FMNL2: variants seen among roughly 807,000 people sequenced by gnomAD.
FMNL2 encodes the protein formin like 2.
In FMNL2, 51 loss-of-function variants were observed where a neutral mutation model predicts 130.2. The ratio of observed to expected loss-of-function variants is 0.39; its 90% confidence interval spans 0.31 to 0.49. FMNL2 has a LOEUF of 0.49. FMNL2 is among the 20% of genes least tolerant of loss of function. FMNL2 has a pLI of 0.85. For synonymous variants in FMNL2, 465 were observed against 467.1 expected (o/e 1.00, Z 0.06); for missense variants, 977 against 1,316.2 (o/e 0.74, Z 3.99).
chr2:152,504,972 T>C (rs1216812962), intron 1 of FMNL2, among the ~76,000 whole-genome samples: 1 of 152,242 alleles, frequency 6.6e-6, no homozygotes, highest in African/African-American at 2.4e-5. Flanking sequence ...TAATTTTGTC[T>C]TGAAATGCCA....
rs58237890 is a variant in FMNL2 at position 152,607,006 on chromosome 2, G to GTTT, written c.877-317_877-315dup. Among the ~76,000 whole-genome samples, 245 of 84,870 alleles carry GTTT rather than the reference G, an allele frequency of 2.9e-3. 2 individuals are homozygous for GTTT. The highest frequency in any genetic ancestry group is 9.4e-3 in the African/African-American group (222 of 23,684). 55.7% of individuals were successfully genotyped at this position (84,870 alleles called of 152,430 possible). A position where few individuals can be genotyped will look rare whatever the true frequency, so the allele number is the denominator to read the frequency against. On this transcript the variant is annotated intron_variant, in intron 9 of 25. Transcript: ENST00000288670. The stretch of plus-strand genomic sequence containing the variant: ...GAAGCTATGGTCGTTTTTTTTTTTT[G>GTTT]TTTTTTTTTTTTTTTTTTACCATGA...
intron 1 of FMNL2, among the ~76,000 whole-genome samples, chr2:152,356,422 C>T (rs1470980878): frequency 1.3e-5 from 2 of 152,340 alleles, no homozygotes; most frequent in Middle Eastern, 3.4e-3. Context: ...CCACACCCAG[C>T]CTGGCTAGAG....
At chr2:152,501,129 C>A (rs1306476813) in intron 1 of FMNL2, among the ~76,000 whole-genome samples, 4 of 152,294 alleles carry the variant, frequency 2.6e-5, no homozygotes, top group African/African-American at 9.6e-5. Context: ...AAAAACAATT[C>A]TTTGTGCCCT....
intron 11 of FMNL2, among the ~76,000 whole-genome samples, chr2:152,612,256 C>T (rs555956712): frequency 6.6e-6 from 1 of 152,194 alleles, no homozygotes; most frequent in Non-Finnish European, 1.5e-5. Context: ...GCTGATGGCT[C>T]ACACCTGTAA....
chr2:152,418,129 A>G (rs1343162082), intron 1 of FMNL2, among the ~76,000 whole-genome samples: 1 of 152,192 alleles, frequency 6.6e-6, no homozygotes, highest in African/African-American at 2.4e-5. Context: ...TACAGGCATA[A>G]GCCACTGCAC....
At chr2:152,468,577 AT>A (rs1489769330) in intron 1 of FMNL2, among the ~76,000 whole-genome samples, 2 of 152,120 alleles carry the variant, frequency 1.3e-5, no homozygotes, top group Non-Finnish European at 2.9e-5. Context: ...CTTATTTTGC[AT>A]TTTTTCCCCT....
In FMNL2 at chr2:152,619,552, G is replaced by GCCACCCCCCCCCCCCCCCCCCCCCCCCCC. The variant is rs5835439; in HGVS notation, c.1673_1674insACCCCCCCCCCCCCCCCCCCCCCCCCCCC (p.Pro569LeufsTer29). 62 of 1,417,678 alleles carry GCCACCCCCCCCCCCCCCCCCCCCCCCCCC rather than the reference G, an allele frequency of 4.4e-5. No homozygotes were observed. Among genetic ancestry groups the GCCACCCCCCCCCCCCCCCCCCCCCCCCCC allele is most frequent in the South Asian group, 2.5e-4 (20 of 78,990 alleles). The allele number at this position is 1,417,678 out of a possible 1,614,324, so 87.8% of individuals were successfully genotyped here. On this transcript the variant is annotated frameshift_variant, in exon 15 of 26. Coordinates refer to ENST00000288670, the MANE Select transcript of FMNL2 (RefSeq NM_052905.4). LOFTEE classifies it high-confidence loss of function. ...CACCACCTATGCCACCGCCGCCGCC[G>GCCACCCCCCCCCCCCCCCCCCCCCCCCCC]CCCCCTCCTCCACCTCCTCCTCCCC...
chr2:152,482,116 A>G (rs528475043), intron 1 of FMNL2, among the ~76,000 whole-genome samples: 23 of 152,328 alleles, frequency 1.5e-4, no homozygotes, highest in African/African-American at 5.5e-4. Context: ...CCAGATGACT[A>G]TGTAAATAGT....
Position 152,628,389 on chromosome 2 carries a change from C to T in FMNL2, c.2256C>T (p.Tyr752=), listed in dbSNP as rs200459731. The change falls in exon 18 of 26, where the codon TAC becomes TAT. Residue 752 remains tyrosine, a synonymous_variant. Transcript: ENST00000288670. Reference sequence around the variant, plus strand: ...ATGAAGTGAAAGTGCTTCGGCTCTACGAGCGGGAAAGGAAGCCTCTGGAAA... The same window carrying T: ...ATGAAGTGAAAGTGCTTCGGCTCTATGAGCGGGAAAGGAAGCCTCTGGAAA... The part of the protein sequence containing the change: ...TENEVKVLRL[Y]ERERKPLENL... 3.5e-5 allele frequency: 56 copies of T among 1,613,988 alleles called. No individual in the cohort carries two copies. The highest frequency in any genetic ancestry group is 1.3e-4 in the Admixed American group (8 of 60,024).
chr2:152,580,004 G>A (rs1696692861), intron 8 of FMNL2, among the ~76,000 whole-genome samples: 1 of 152,188 alleles, frequency 6.6e-6, no homozygotes, highest in Non-Finnish European at 1.5e-5. Flanking sequence ...GAACTATCAA[G>A]TCCTCTTTAC....
intron 2 of FMNL2, among the ~76,000 whole-genome samples, chr2:152,538,591 A>G (rs573247828): frequency 6.6e-6 from 1 of 152,244 alleles, no homozygotes; most frequent in South Asian, 2.1e-4. Context: ...TATTTTTATG[A>G]GTTCTTAAAT....
In FMNL2 at chr2:152,568,218, G is replaced by GTTTTTTTTTTTTTTTTTTTT. The variant is rs1177965681; in HGVS notation, c.597-6903_597-6902insTTTTTTTTTTTTTTTTTTTT. Among the ~76,000 whole-genome samples the GTTTTTTTTTTTTTTTTTTTT allele has an allele frequency of 3.2e-3, 111 of 34,824 alleles. 3 individuals carry two copies. Among genetic ancestry groups the GTTTTTTTTTTTTTTTTTTTT allele is most frequent in the African/African-American group, 8.1e-3 (96 of 11,868 alleles). 22.8% of individuals were successfully genotyped at this position (34,824 alleles called of 152,430 possible). Reference sequence around the variant, plus strand: ...TGAGCAACGGCTTCCATTTTGGTGGGTTTTTTTTTTTTTTTGAGACGGAGT... The same window carrying GTTTTTTTTTTTTTTTTTTTT: ...TGAGCAACGGCTTCCATTTTGGTGGGTTTTTTTTTTTTTTTTTTTTTTTTTTTTTTTTTTTGAGACGGAGT... On this transcript the variant is annotated intron_variant, in intron 6 of 25. Coordinates refer to ENST00000288670, the MANE Select transcript of FMNL2 (RefSeq NM_052905.4).
chr2:152,623,838 G>A (rs970607134), intron 15 of FMNL2, among the ~76,000 whole-genome samples: 8 of 151,552 alleles, frequency 5.3e-5, no homozygotes, highest in Admixed American at 2.6e-4. Context: ...GCATATTCCC[G>A]CACAGTGAGA....
intron 6 of FMNL2, among the ~76,000 whole-genome samples, chr2:152,561,607 C>T (rs59598975): frequency 0.022 from 3,254 of 148,312 alleles, 120 homozygotes; most frequent in African/African-American, 0.076. Flanking sequence ...GAATCTCGCT[C>T]TTGTTATCCA....
chr2:152,562,240 A>AT lies in FMNL2; in HGVS notation c.596+1212dup, dbSNP rs531986440. On this transcript the variant is annotated intron_variant, in intron 6 of 25. Transcript: ENST00000288670. Reference sequence around the variant, plus strand: ...AAAATGTTGCTTATTCTTTCCTTTCATTTTTTTCTACACTACCCCCTTACT... The same window carrying AT: ...AAAATGTTGCTTATTCTTTCCTTTCATTTTTTTTCTACACTACCCCCTTACT... Among the ~76,000 whole-genome samples, 213 of 151,894 alleles carry AT rather than the reference A, an allele frequency of 1.4e-3. 1 individual carries two copies. Among genetic ancestry groups the AT allele is most frequent in the African/African-American group, 5.0e-3 (209 of 41,396 alleles).
chr2:152,361,386 G>C (rs1160889232), intron 1 of FMNL2, among the ~76,000 whole-genome samples: 2 of 152,052 alleles, frequency 1.3e-5, no homozygotes, highest in East Asian at 3.9e-4. Context: ...TCTAAATTGT[G>C]GCTTATTTCT....
intron 11 of FMNL2, among the ~76,000 whole-genome samples, chr2:152,613,111 C>T (rs138767484): frequency 1.9e-3 from 286 of 152,246 alleles, no homozygotes; most frequent in African/African-American, 6.5e-3. Context: ...CAGGGAGAGG[C>T]GTAATAGATT....
At chr2:152,646,145 T>G (rs1403480685) in intron 25 of FMNL2, among the ~76,000 whole-genome samples, 1 of 115,310 alleles carries the variant, frequency 8.7e-6, no homozygotes. Flanking sequence ...TGAAGCAAAA[T>G]CCCCATCTCT....
At chr2:152,354,928 A>G (rs1025228287) in intron 1 of FMNL2, among the ~76,000 whole-genome samples, 3 of 152,096 alleles carry the variant, frequency 2.0e-5, no homozygotes, top group Admixed American at 6.6e-5. Context: ...TAATTTTTGT[A>G]TTTTAGTAAT....
Sources: gnomAD v4.1 joint callset for allele counts (sites outside exome capture counted in the v4.1 genomes callset) on GRCh38, gnomAD v4.1.1 for gene constraint, MANE v1.5 for transcripts, NCBI Gene and HGNC (gene_info 2026-07-23, HGNC 2026-07-21) for gene names.